Variants in ACACB observed in about 807,000 individuals in gnomAD.
ACACB encodes acetyl-CoA carboxylase beta, also known as acetyl-CoA carboxylase 2.
In ACACB, 209 loss-of-function variants were observed where a neutral mutation model predicts 278.8. The observed-to-expected ratio is 0.75, with a 90% CI of 0.67 to 0.84. The LOEUF is 0.84. Among genes scored for constraint, ACACB ranks in the 40% least tolerant of loss-of-function variants. ACACB has a pLI of 0.00. For synonymous variants in ACACB, 1,174 were observed against 1,285.6 expected (o/e 0.91, Z 1.86); for missense variants, 2,850 against 3,269.0 (o/e 0.87, Z 3.13).
chr12:109,232,160 A>G (rs1263666776), intron 28 of ACACB, among the ~76,000 whole-genome samples: 1 of 152,178 alleles, frequency 6.6e-6, no homozygotes, highest in African/African-American at 2.4e-5. Context: ...TGGCCCATTG[A>G]GATTTGCTGC....
chr12:109,241,548 A>C (rs544297589), intron 36 of ACACB: 4 of 434,080 alleles, frequency 9.2e-6, no homozygotes, highest in Non-Finnish European at 1.7e-5. Context: ...AGGTGTCACC[A>C]TATTGGCCAG....
chr12:109,151,462 T>G (rs528375490), intron 2 of ACACB, among the ~76,000 whole-genome samples: 7 of 151,176 alleles, frequency 4.6e-5, no homozygotes, highest in Non-Finnish European at 8.8e-5. Context: ...TGTAACACAG[T>G]CCCCCCCACC....
At chr12:109,261,778 G>A (rs1298896647) in intron 48 of ACACB, among the ~76,000 whole-genome samples, 1 of 151,490 alleles carries the variant, frequency 6.6e-6, no homozygotes, top group Non-Finnish European at 1.5e-5. Flanking sequence ...GGCTGAGGCA[G>A]GAGAATCACT....
In ACACB at chr12:109,233,745, C is replaced by T; in HGVS notation, c.4140-3C>T. The T allele has an allele frequency of 6.2e-7, 1 of 1,613,912 alleles. No homozygotes were observed. Among genetic ancestry groups the T allele is most frequent in the Non-Finnish European group, 8.5e-7 (1 of 1,179,928 alleles). On this transcript the variant is annotated splice_polypyrimidine_tract_variant and splice_region_variant and intron_variant, in intron 29 of 52. Coordinates refer to ENST00000338432, the MANE Select transcript of ACACB (RefSeq NM_001093.4). ...AGCCCTCCCTCTCTACCCGCACCCC[C>T]AGAAATTTTGATGAAGTCATCTCTT...
At chr12:109,129,691 A>G (rs2042774123) in intron 1 of ACACB, among the ~76,000 whole-genome samples, 1 of 152,340 alleles carries the variant, frequency 6.6e-6, no homozygotes, top group South Asian at 2.1e-4. Context: ...CTGCCCCTGC[A>G]GGGCACCATC....
rs531600643 is a variant in ACACB, at chr12:109,265,584, C to G, written c.7250+59C>G. On this transcript the variant is annotated intron_variant, in intron 52 of 52. Coordinates refer to ENST00000338432, the MANE Select transcript of ACACB (RefSeq NM_001093.4). ...TGGCAAGGACCCGAGCCTGGATTGACCCCTAGCTACCCGACTCCTATGCAG... is the reference window on the plus strand; with the variant it reads ...TGGCAAGGACCCGAGCCTGGATTGAGCCCTAGCTACCCGACTCCTATGCAG... 1,062 of 1,578,066 alleles carry G rather than the reference C, an allele frequency of 6.7e-4. 1 individual carries two copies. The highest frequency in any genetic ancestry group is 8.3e-4 in the Non-Finnish European group (967 of 1,162,116).
In ACACB at chr12:109,199,497, A is replaced by T; in HGVS notation, c.2723A>T (p.Tyr908Phe). 1 of 1,558,660 alleles carries T rather than the reference A, an allele frequency of 6.4e-7. No homozygotes were observed. Among genetic ancestry groups the T allele is most frequent in the Non-Finnish European group, 8.7e-7 (1 of 1,151,976 alleles). ...CCCTCGGCTGGGAAGCTGACACAGTACACAGTGGAGGATGGGGGCCACGTT... is the reference window on the plus strand; with the variant it reads ...CCCTCGGCTGGGAAGCTGACACAGTTCACAGTGGAGGATGGGGGCCACGTT... ...RSPSAGKLTQ[Y>F]TVEDGGHVEA... The change falls in exon 18 of 53, where the codon TAC (tyrosine) becomes TTC (phenylalanine). Residue 908 changes from tyrosine to phenylalanine, a missense_variant. By Grantham distance (22) the Tyr-to-Phe change is conservative. Around this residue, in one of 3 missense-constraint regions of ACACB, gnomAD observed 2,265 missense variants for 2,561.3 expected, o/e 0.88. Coordinates refer to ENST00000338432, the MANE Select transcript of ACACB (RefSeq NM_001093.4).
chr12:109,255,709 T>C (rs2047208359), intron 44 of ACACB, among the ~76,000 whole-genome samples: 1 of 152,230 alleles, frequency 6.6e-6, no homozygotes, highest in African/African-American at 2.4e-5. Flanking sequence ...TGAAACTTTT[T>C]TCCCAATTAA....
intron 1 of ACACB, among the ~76,000 whole-genome samples, chr12:109,120,486 G>A (rs2042518778): frequency 6.6e-6 from 1 of 152,202 alleles, no homozygotes; most frequent in Non-Finnish European, 1.5e-5. Flanking sequence ...GGACCATGGA[G>A]TGGATGAGGT....
chr12:109,210,537 ATACG>A (rs2045806162), intron 21 of ACACB, among the ~76,000 whole-genome samples: 1 of 148,902 alleles, frequency 6.7e-6, no homozygotes, highest in East Asian at 2.0e-4. Flanking sequence ...ATGTGTATAT[ATACG>A]TGCATGTATA....
chr12:109,247,591 A>G lies in ACACB; in HGVS notation c.5572-15A>G. ...AGGGAACTGGATTCGTAGCCTCACTAAAGTATTTTTTAAGGGATTTAAATA... is the reference window on the plus strand; with the variant it reads ...AGGGAACTGGATTCGTAGCCTCACTGAAGTATTTTTTAAGGGATTTAAATA... On this transcript the variant is annotated splice_polypyrimidine_tract_variant and intron_variant, in intron 39 of 52. Coordinates refer to ENST00000338432, the MANE Select transcript of ACACB (RefSeq NM_001093.4). The G allele has an allele frequency of 6.2e-7, 1 of 1,600,260 alleles. No individual in the cohort carries two copies. Among genetic ancestry groups the G allele is most frequent in the Non-Finnish European group, 8.6e-7 (1 of 1,168,140 alleles).
chr12:109,152,292 C>T (rs1366563417), intron 2 of ACACB, among the ~76,000 whole-genome samples: 1 of 152,090 alleles, frequency 6.6e-6, no homozygotes, highest in East Asian at 1.9e-4. Flanking sequence ...TCATTGCTTT[C>T]CCTATTTTGA....
At chr12:109,212,738 T>G in intron 21 of ACACB, 98 bp from the exon 22 acceptor site, 1 of 965,220 alleles carries the variant, frequency 1.0e-6, no homozygotes. Flanking sequence ...CACGGACCAG[T>G]GCTCGTTTGG....
rs191997081 is a variant in ACACB, at chr12:109,245,539, A to C, written c.5179-87A>C. ...GAGTGAACTACAGAATTCACCCTGG[A>C]ATCATGACAGATCATCTCTGTCTGG... is the stretch of plus-strand genomic sequence containing the variant. On this transcript the variant is annotated intron_variant, in intron 37 of 52. Transcript: ENST00000338432. 5.9e-5 allele frequency: 85 copies of C among 1,430,096 alleles called. No homozygotes were observed. In the Admixed American group the frequency reaches 1.0e-3, roughly 17 times the overall value. 88.6% of individuals were successfully genotyped at this position (1,430,096 alleles called of 1,614,324 possible).
chr12:109,208,764 T>A lies in ACACB; in HGVS notation c.3061-401T>A, dbSNP rs547244335. ...CCTCTCTGTGTTTCAGTTGCCTCAA[T>A]TGCAAAATGGACAAAATCATTAGAC... On this transcript the variant is annotated intron_variant, in intron 20 of 52. Coordinates refer to ENST00000338432, the MANE Select transcript of ACACB (RefSeq NM_001093.4). Among the ~76,000 whole-genome samples the A allele has an allele frequency of 5.9e-5, 9 of 152,304 alleles. No homozygotes were observed. The South Asian group carries it at 1.9e-3, about 32-fold the overall frequency.
intron 4 of ACACB, among the ~76,000 whole-genome samples, chr12:109,168,652 CAAAAAA>C (rs912361771): frequency 6.6e-6 from 1 of 151,496 alleles, no homozygotes; most frequent in Non-Finnish European, 1.5e-5. Flanking sequence ...CCTGTCTCTA[CAAAAAA>C]TAAAAATAAA....
chr12:109,262,560 T>TG (rs1329030211), intron 49 of ACACB, 91 bp downstream of exon 49: 1 of 713,368 alleles, frequency 1.4e-6, no homozygotes. Flanking sequence ...AAAAATAAAA[T>TG]GAAAAAATAC....
At chr12:109,264,434 T>A in intron 50 of ACACB, 48 bp downstream of exon 50, 1 of 1,545,666 alleles carries the variant, frequency 6.5e-7, no homozygotes, top group Non-Finnish European at 8.8e-7. Context: ...CACCCTGTTT[T>A]CCAAAACATG....
chr12:109,260,722 C>T, intron 48 of ACACB, 65 bp downstream of exon 48: 1 of 1,439,644 alleles, frequency 6.9e-7, no homozygotes, highest in Non-Finnish European at 9.2e-7. Flanking sequence ...GAGCCCATGA[C>T]CTTGGGAGAT....
Sources: gnomAD v4.1 joint callset for allele counts (sites outside exome capture counted in the v4.1 genomes callset) on GRCh38, gnomAD v4.1.1 for gene constraint, gnomAD v4.1.1 regional missense constraint, MANE v1.5 for transcripts, NCBI Gene and HGNC (gene_info 2026-07-23, HGNC 2026-07-21) for gene names.